The following ZNF385D variants were observed in gnomAD, a reference collection of about 807,000 sequenced individuals.
The protein encoded by ZNF385D is zinc finger protein 659.
A neutral mutation model predicts 35.8 loss-of-function variants in ZNF385D; 15 were observed. The observed-to-expected ratio is 0.42, with a 90% CI of 0.28 to 0.64. The LOEUF (loss-of-function observed/expected upper bound fraction) is 0.64. Ranked by LOEUF, ZNF385D falls within the 30% of genes least tolerant of loss-of-function variation. The pLI is 0.23. For synonymous variants in ZNF385D, 212 were observed against 186.8 expected, an observed-to-expected ratio of 1.13 and a Z score of -1.10; for missense variants, 474 against 494.6, an observed-to-expected ratio of 0.96 and a Z score of 0.39.
intron 3 of ZNF385D, among the ~76,000 whole-genome samples, chr3:21,854,228 T>G (rs1696579449): frequency 6.6e-6 from 1 of 151,938 alleles, no homozygotes; most frequent in African/African-American, 2.4e-5. Context: ...GGAGAGCTTT[T>G]GAACCGGTTA....
rs780567350 is a variant in ZNF385D at position 21,621,539 on chromosome 3, TAAA to T, written c.165+43344_165+43346del. 7.1e-3 allele frequency among the ~76,000 whole-genome samples: 944 copies of T among 133,398 alleles called. 1 individual carries two copies. The highest frequency in any genetic ancestry group is 0.011 in the Non-Finnish European group (669 of 61,366). 87.5% of individuals were successfully genotyped at this position (133,398 alleles called of 152,430 possible). On this transcript the variant is annotated intron_variant, in intron 2 of 7. Transcript: ENST00000281523. ...ACTGCCAATTTGCTGTGTCATCAGT[TAAA>T]AAAAAAATTCCCGTGTGTGTGTGTG... is the stretch of plus-strand genomic sequence containing the variant.
chr3:21,965,614 A>T (rs1449427927), intron 3 of ZNF385D, among the ~76,000 whole-genome samples: 2 of 152,198 alleles, frequency 1.3e-5, no homozygotes, highest in Non-Finnish European at 2.9e-5. Context: ...ATGAGTCTAG[A>T]TTGGATTCTG....
At chr3:21,610,777 C>T (rs1237767021) in intron 2 of ZNF385D, among the ~76,000 whole-genome samples, 3 of 148,152 alleles carry the variant, frequency 2.0e-5, no homozygotes, top group Non-Finnish European at 4.5e-5. Flanking sequence ...TCCGTCCCCC[C>T]CAAAAAAAAA....
At chr3:22,359,181 T>C (rs1696299276) in intron 2 of ZNF385D, among the ~76,000 whole-genome samples, 1 of 151,696 alleles carries the variant, frequency 6.6e-6, no homozygotes, top group South Asian at 2.1e-4. Context: ...TTGAATAACA[T>C]CTCAGTGGTC....
intron 2 of ZNF385D, among the ~76,000 whole-genome samples, chr3:22,171,330 C>T (rs143484489): frequency 6.6e-6 from 1 of 152,192 alleles, no homozygotes; most frequent in Non-Finnish European, 1.5e-5. Context: ...AAAATAAGAA[C>T]ATGTGCTAAC....
intron 2 of ZNF385D, among the ~76,000 whole-genome samples, chr3:22,345,653 G>A (rs966105354): frequency 6.6e-6 from 1 of 152,136 alleles, no homozygotes; most frequent in African/African-American, 2.4e-5. Flanking sequence ...ACAGAATAGC[G>A]GCTGTGTAAT....
intron 3 of ZNF385D, among the ~76,000 whole-genome samples, chr3:22,004,201 G>T (rs989278609): frequency 1.8e-4 from 27 of 152,094 alleles, no homozygotes; most frequent in African/African-American, 6.5e-4. Context: ...TTGGGGATAG[G>T]ATACCGTCTT....
At chr3:21,472,969 A>G (rs1297176925) in intron 4 of ZNF385D, among the ~76,000 whole-genome samples, 2 of 152,070 alleles carry the variant, frequency 1.3e-5, no homozygotes, top group Non-Finnish European at 2.9e-5. Context: ...AATACCAAAA[A>G]TCTATTTTAA....
At chr3:21,623,330 A>T (rs965040548) in intron 2 of ZNF385D, among the ~76,000 whole-genome samples, 1 of 152,114 alleles carries the variant, frequency 6.6e-6, no homozygotes, top group Non-Finnish European at 1.5e-5. Context: ...TTAATAACCG[A>T]TCTCAGGGAA....
rs1337874466 is a variant in ZNF385D at position 21,465,407 on chromosome 3, T to C, written c.440-28204A>G. 1.3e-5 allele frequency among the ~76,000 whole-genome samples: 2 copies of C among 152,214 alleles called. No individual in the cohort carries two copies. The highest frequency in any genetic ancestry group is 2.9e-5 in the Non-Finnish European group (2 of 68,036). ...AAATACTTTCTCTTTTCAAGATCAG[T>C]TGGAAGAGAAAGTTTCTTCTGCTCT... is the stretch of plus-strand genomic sequence containing the variant. On this transcript the variant is annotated intron_variant, in intron 4 of 7. Coordinates refer to ENST00000281523, the MANE Select transcript of ZNF385D (RefSeq NM_024697.3). This position sits in a 1 kb window ranked among gnomAD's most constrained non-coding sequence, Gnocchi z 4.2.
rs778864033 is a variant in ZNF385D, at chr3:21,674,263, G to A, written c.23-9235C>T. On this transcript the variant is annotated intron_variant, in intron 1 of 7. Coordinates refer to ENST00000281523, the MANE Select transcript of ZNF385D (RefSeq NM_024697.3). ...TTAAGTGCAGTCATTTATGTGGGTC[G>A]CATTACAGAGAAGCCACTTTTGAGG... Among the ~76,000 whole-genome samples, 11 of 152,132 alleles carry A rather than the reference G, an allele frequency of 7.2e-5. No individual in the cohort carries two copies. The South Asian group carries it at 1.2e-3, about 17-fold the overall frequency.
rs1054023569 is a variant in ZNF385D at position 22,053,085 on chromosome 3, C to T, written c.325+115732G>A. ...AAGCAAGCCTGGGCAATGGCGGGCG[C>T]CCCTCCCCCAGCCTCGTTGCCGCCT... On this transcript the variant is annotated intron_variant, in intron 3 of 5. Coordinates refer to the ZNF385D transcript ENST00000494108. Among the ~76,000 whole-genome samples, 6 of 79,338 alleles carry T rather than the reference C, an allele frequency of 7.6e-5. 1 individual carries two copies. The highest frequency in any genetic ancestry group is 2.8e-4 in the African/African-American group (6 of 21,148). 52.0% of individuals were successfully genotyped at this position (79,338 alleles called of 152,430 possible). A position where few individuals can be genotyped will look rare whatever the true frequency, so the allele number is the denominator to read the frequency against.
intron 3 of ZNF385D, among the ~76,000 whole-genome samples, chr3:22,149,125 C>T (rs772474555): frequency 2.6e-4 from 40 of 152,076 alleles, no homozygotes; most frequent in Admixed American, 4.6e-4. Flanking sequence ...TACGCAACCC[C>T]GGACCTGTAT....
chr3:21,941,170 C>T (rs556045009), intron 3 of ZNF385D, among the ~76,000 whole-genome samples: 16 of 152,192 alleles, frequency 1.1e-4, no homozygotes, highest in African/African-American at 3.6e-4. Context: ...AGGGAAGTCC[C>T]AGGAAACAAA....
intron 4 of ZNF385D, among the ~76,000 whole-genome samples, chr3:21,439,600 A>G (rs9310646): frequency 0.09 from 13,742 of 152,128 alleles, 673 homozygotes; most frequent in Non-Finnish European, 0.11. Flanking sequence ...TGAAAATGGC[A>G]CATAGTATAG....
intron 3 of ZNF385D, among the ~76,000 whole-genome samples, chr3:21,884,146 C>T (rs908022944): frequency 6.6e-6 from 1 of 151,978 alleles, no homozygotes; most frequent in Admixed American, 6.6e-5. Context: ...ATTAGGATCA[C>T]TAAGTTTGGA....
At chr3:21,849,370 A>G (rs570264464) in intron 3 of ZNF385D, among the ~76,000 whole-genome samples, 2 of 152,184 alleles carry the variant, frequency 1.3e-5, no homozygotes, top group Non-Finnish European at 2.9e-5. Context: ...ATATTTATAC[A>G]AGTTATTACA....
intron 2 of ZNF385D, among the ~76,000 whole-genome samples, chr3:22,273,190 T>G (rs962717496): frequency 2.6e-5 from 4 of 152,036 alleles, no homozygotes; most frequent in African/African-American, 9.7e-5. Flanking sequence ...TGACACTAAC[T>G]GGAATTAGAT....
intron 3 of ZNF385D, among the ~76,000 whole-genome samples, chr3:21,793,145 C>T (rs893308251): frequency 6.6e-6 from 1 of 152,180 alleles, no homozygotes; most frequent in Non-Finnish European, 1.5e-5. Context: ...CAATGTAACA[C>T]AGCAGAAAGA....
Sources: allele counts gnomAD v4.1 joint callset (sites outside exome capture counted in the v4.1 genomes callset), GRCh38; gene constraint gnomAD v4.1.1; non-coding constraint Gnocchi (gnomAD v3.1); transcripts MANE v1.5; gene names NCBI Gene and HGNC (gene_info 2026-07-23, HGNC 2026-07-21).